CORO2A: variants seen among roughly 807,000 people sequenced by gnomAD.
The protein encoded by CORO2A is coronin 2A.
In CORO2A, 47 loss-of-function variants were observed where a neutral mutation model predicts 62.4. The observed-to-expected ratio is 0.75, with a 90% CI of 0.60 to 0.96. The LOEUF (loss-of-function observed/expected upper bound fraction) is 0.96. Among genes scored for constraint, CORO2A ranks in the 40% least tolerant of loss-of-function variants. The probability of loss-of-function intolerance (pLI) is 0.00; values close to 1 mark genes in which losing one functional copy is unlikely to be tolerated. For missense variants in CORO2A, 610 were observed against 684.1 expected (o/e 0.89, Z 1.21); for synonymous variants, 273 against 268.9 (o/e 1.02, Z -0.15).
rs913705960 is a variant in CORO2A, at chr9:98,142,863, T to C, written c.202-5175A>G. Among the ~76,000 whole-genome samples, 131 of 80,108 alleles carry C rather than the reference T, an allele frequency of 1.6e-3. 1 individual carries two copies. The highest frequency in any genetic ancestry group is 2.3e-3 in the Non-Finnish European group (101 of 43,754). 52.6% of individuals were successfully genotyped at this position (80,108 alleles called of 152,430 possible). On this transcript the variant is annotated intron_variant, in intron 2 of 11. Coordinates refer to ENST00000375077, the MANE Select transcript of CORO2A (RefSeq NM_052820.4). ...TGCCCTGCCCTGCCCTGCGCTGCCCTGCGCTGCCCTGCGCTGCCCTGCCCT... is the reference window on the plus strand; with the variant it reads ...TGCCCTGCCCTGCCCTGCGCTGCCCCGCGCTGCCCTGCGCTGCCCTGCCCT...
At chr9:98,150,386 C>T (rs964464021) in intron 2 of CORO2A, among the ~76,000 whole-genome samples, 14 of 152,260 alleles carry the variant, frequency 9.2e-5, no homozygotes, top group Admixed American at 5.9e-4. Context: ...CATGTGTCCA[C>T]GTGCTGACAA....
chr9:98,174,981 A>G (rs1021712089), intron 1 of CORO2A, among the ~76,000 whole-genome samples: 2 of 152,168 alleles, frequency 1.3e-5, no homozygotes, highest in Non-Finnish European at 2.9e-5. Flanking sequence ...AAAAAATAAT[A>G]AAGAAAAGAG....
At chr9:98,192,177 G>C (rs1271519406) in intron 1 of CORO2A, among the ~76,000 whole-genome samples, 1 of 152,192 alleles carries the variant, frequency 6.6e-6, no homozygotes, top group African/African-American at 2.4e-5. Flanking sequence ...TGGAGCACCC[G>C]GGCCACAGCA....
intron 8 of CORO2A, among the ~76,000 whole-genome samples, 158 bp downstream of exon 8, chr9:98,129,635 AG>A (rs1827375858): frequency 1.3e-5 from 2 of 152,096 alleles, no homozygotes; most frequent in African/African-American, 4.8e-5. Flanking sequence ...CGTCAAGTAC[AG>A]CCCCCACCAA....
At chr9:98,167,568 G>C (rs1190901600) in intron 1 of CORO2A, among the ~76,000 whole-genome samples, 1 of 152,132 alleles carries the variant, frequency 6.6e-6, no homozygotes, top group Non-Finnish European at 1.5e-5. Context: ...CAGTTCAGAA[G>C]AGACTTAAGA....
intron 1 of CORO2A, among the ~76,000 whole-genome samples, chr9:98,161,391 T>C (rs1422984612): frequency 1.3e-5 from 2 of 152,054 alleles, no homozygotes; most frequent in African/African-American, 4.8e-5. Flanking sequence ...CCGTCTCTAC[T>C]GAAAATACAA....
intron 8 of CORO2A, 152 bp from the exon 9 acceptor site, chr9:98,128,871 A>G (rs962591868): frequency 4.9e-6 from 3 of 616,744 alleles, no homozygotes; most frequent in Non-Finnish European, 8.8e-6. Flanking sequence ...GCTGGGCCCT[A>G]TGTTGGGAAA....
At chr9:98,153,964 G>T (rs1343831740) in intron 2 of CORO2A, among the ~76,000 whole-genome samples, 1 of 151,962 alleles carries the variant, frequency 6.6e-6, no homozygotes, top group Non-Finnish European at 1.5e-5. Flanking sequence ...TGATCATATG[G>T]TTTTTCCTCT....
At chr9:98,192,072 C>A (rs537703644) in intron 1 of CORO2A, among the ~76,000 whole-genome samples, 4 of 152,302 alleles carry the variant, frequency 2.6e-5, no homozygotes, top group Admixed American at 6.5e-5. Context: ...GGCGGGGACC[C>A]GGGGATGCCC....
chr9:98,132,552 C>T (rs950230373), intron 5 of CORO2A, among the ~76,000 whole-genome samples: 1 of 152,186 alleles, frequency 6.6e-6, no homozygotes, highest in African/African-American at 2.4e-5. Context: ...TGCCCAGCGC[C>T]CTGTTCTTGC....
chr9:98,151,632 T>G (rs1827725073), intron 2 of CORO2A, among the ~76,000 whole-genome samples: 1 of 152,120 alleles, frequency 6.6e-6, no homozygotes, highest in Admixed American at 6.6e-5. Flanking sequence ...TATTTCTTCC[T>G]TTTCCATCCT....
chr9:98,127,817 CAAAAAAAA>C (rs11342322), intron 10 of CORO2A, among the ~76,000 whole-genome samples: 9 of 49,006 alleles, frequency 1.8e-4, no homozygotes, highest in African/African-American at 4.2e-4. Context: ...GACTCTGTCT[CAAAAAAAA>C]AAAAAAAAAA....
At chr9:98,146,678 G>T (rs1334132160) in intron 2 of CORO2A, among the ~76,000 whole-genome samples, 1 of 152,148 alleles carries the variant, frequency 6.6e-6, no homozygotes, top group Non-Finnish European at 1.5e-5. Context: ...CAAACCTCAG[G>T]GGCCTCATGT....
chr9:98,145,143 C>G (rs377101922), intron 2 of CORO2A, among the ~76,000 whole-genome samples: 1 of 152,162 alleles, frequency 6.6e-6, no homozygotes, highest in South Asian at 2.1e-4. Flanking sequence ...AATCCAACAT[C>G]CAGGGATGAA....
At chr9:98,149,935 CTT>C (rs1249364126) in intron 2 of CORO2A, among the ~76,000 whole-genome samples, 3 of 127,594 alleles carry the variant, frequency 2.4e-5, no homozygotes, top group Non-Finnish European at 1.7e-5. Context: ...TTTTCTCTTT[CTT>C]TTTTTTTTTT....
intron 2 of CORO2A, among the ~76,000 whole-genome samples, chr9:98,154,979 C>T (rs1055355305): frequency 6.6e-6 from 1 of 152,206 alleles, no homozygotes; most frequent in Admixed American, 6.5e-5. Context: ...TTCTGGGTCA[C>T]AGGTATATGC....
chr9:98,147,085 A>C (rs1055364058), intron 2 of CORO2A, among the ~76,000 whole-genome samples: 1 of 152,020 alleles, frequency 6.6e-6, no homozygotes. Context: ...TGGGCAACAT[A>C]GTGAGACCCC....
At chr9:98,154,302 C>T (rs1827769869) in intron 2 of CORO2A, among the ~76,000 whole-genome samples, 1 of 89,752 alleles carries the variant, frequency 1.1e-5, no homozygotes, top group Non-Finnish European at 2.2e-5. Flanking sequence ...ACCATCTAGG[C>T]CTAGAGTCTT....
intron 8 of CORO2A, 110 bp downstream of exon 8, chr9:98,129,684 C>T: frequency 1.3e-6 from 1 of 799,418 alleles, no homozygotes. Context: ...TCCCATCTGA[C>T]TCATCCCTGT....
Sources: gnomAD v4.1 joint callset for allele counts (sites outside exome capture counted in the v4.1 genomes callset) on GRCh38, gnomAD v4.1.1 for gene constraint, MANE v1.5 for transcripts, NCBI Gene and HGNC (gene_info 2026-07-23, HGNC 2026-07-21) for gene names.